Variants in CDH22 observed in about 807,000 individuals in gnomAD.
CDH22 encodes the protein cadherin 22.
In CDH22, 30 loss-of-function variants were observed where a neutral mutation model predicts 58.4. The observed-to-expected ratio is 0.51, with a 90% CI of 0.38 to 0.70. The LOEUF is 0.70. CDH22 is among the 30% of genes least tolerant of loss of function. The pLI is 0.00. For missense variants in CDH22, 1,014 were observed against 1,233.9 expected, an observed-to-expected ratio of 0.82 and a Z score of 2.67; for synonymous variants, 513 against 558.2, an observed-to-expected ratio of 0.92 and a Z score of 1.14.
chr20:46,280,072 G>C (rs2086542461), intron 1 of CDH22, among the ~76,000 whole-genome samples: 1 of 152,124 alleles, frequency 6.6e-6, no homozygotes, highest in African/African-American at 2.4e-5. Flanking sequence ...GTCACACCTG[G>C]GGCTGTCTGG....
intron 7 of CDH22, among the ~76,000 whole-genome samples, chr20:46,208,377 C>T (rs1429791447): frequency 6.6e-6 from 1 of 152,204 alleles, no homozygotes; most frequent in Non-Finnish European, 1.5e-5. Context: ...CTCTGGCTTG[C>T]CTGTGTCTGT....
At chr20:46,252,562 G>C (rs2086384542) in intron 1 of CDH22, among the ~76,000 whole-genome samples, 1 of 152,216 alleles carries the variant, frequency 6.6e-6, no homozygotes, top group Non-Finnish European at 1.5e-5. Flanking sequence ...GTGTTTACAG[G>C]GGACAGCGAT....
In CDH22 at chr20:46,308,047, C is replaced by T. The variant is rs914386614; in HGVS notation, c.-400+208G>A. On this transcript the variant is annotated intron_variant, in intron 1 of 11. Transcript: ENST00000537909. This position sits in a 1 kb window ranked among gnomAD's most constrained non-coding sequence, Gnocchi z 4.3. The stretch of plus-strand genomic sequence containing the variant: ...GGCTCCGCGCCGGGGAAAGTTTGGA[C>T]GTGGGAAACTCCCTCCCCGCCCTCC... 1.3e-4 allele frequency among the ~76,000 whole-genome samples: 19 copies of T among 151,568 alleles called. No individual in the cohort carries two copies. The highest frequency in any genetic ancestry group is 2.4e-4 in the Non-Finnish European group (16 of 67,798).
At position 46,241,054 on chromosome 20, in the gene CDH22, C is replaced by T. The variant is rs771437010; in HGVS notation, c.459G>A (p.Glu153=). 3 of 1,614,192 alleles carry T rather than the reference C, an allele frequency of 1.9e-6. No individual in the cohort carries two copies. The East Asian group carries it at 6.7e-5, about 36-fold the overall frequency. The part of the protein sequence containing the change: ...ATNRLLEPES[E]FIIKVQDIND... ...TGATGTCCTGCACCTTGATGATGAA[C>T]TCCGACTCGGGCTCCAGTAGGCGGT... Residue 153 remains glutamate (E), a synonymous_variant, in exon 3 of 12, where the codon GAG becomes GAA. Transcript: ENST00000537909. This position sits in a 1 kb window ranked among gnomAD's most constrained non-coding sequence, Gnocchi z 5.2.
At position 46,251,015 on chromosome 20, in the gene CDH22, G is replaced by C. The variant is rs1324623117; in HGVS notation, c.255+25C>G. On this transcript the variant is annotated intron_variant, in intron 2 of 11. Transcript: ENST00000537909. This position sits in a 1 kb window ranked among gnomAD's most constrained non-coding sequence, Gnocchi z 6.7. ...GGTGTCCCCAGGGTCCTGGGATCTG[G>C]AGTTGGAGTGGGGCCCCACTTTACC... The C allele has an allele frequency of 6.9e-7, 1 of 1,442,524 alleles. No homozygotes were observed. Among genetic ancestry groups the C allele is most frequent in the Admixed American group, 1.7e-5 (1 of 59,342 alleles). The allele number at this position is 1,442,524 out of a possible 1,614,324, so 89.4% of individuals were successfully genotyped here. A position where few individuals can be genotyped will look rare whatever the true frequency, so the allele number is the denominator to read the frequency against.
chr20:46,286,367 C>A (rs1344878590), intron 1 of CDH22, among the ~76,000 whole-genome samples: 2 of 152,126 alleles, frequency 1.3e-5, no homozygotes, highest in Admixed American at 6.5e-5. Context: ...TCCCCAGCAT[C>A]CCCCGGGGTC....
At chr20:46,307,594 G>C (rs1023020829) in intron 1 of CDH22, among the ~76,000 whole-genome samples, 1 of 152,152 alleles carries the variant, frequency 6.6e-6, no homozygotes, top group Admixed American at 6.5e-5. Flanking sequence ...CATAGGGCAG[G>C]GGGGGTCGCG....
chr20:46,300,503 C>T lies in CDH22; in HGVS notation c.-400+7752G>A, dbSNP rs1259313582. On this transcript the variant is annotated intron_variant, in intron 1 of 11. Transcript: ENST00000537909. This position sits in a 1 kb window ranked among gnomAD's most constrained non-coding sequence, Gnocchi z 4.4. ...ACACACAAGCGCGCGTGTGCGTGCG[C>T]GTGCACACACACATACACACACACT... 2.0e-5 allele frequency among the ~76,000 whole-genome samples: 3 copies of T among 152,174 alleles called. No individual in the cohort carries two copies. The highest frequency in any genetic ancestry group is 6.5e-5 in the Admixed American group (1 of 15,282).
chr20:46,246,814 C>G (rs545694501), intron 2 of CDH22, among the ~76,000 whole-genome samples: 1 of 152,220 alleles, frequency 6.6e-6, no homozygotes, highest in South Asian at 2.1e-4. Flanking sequence ...ATGCTCCGAG[C>G]GGCTCCCTGG....
chr20:46,190,375 T>C (rs2145659052), intron 8 of CDH22, among the ~76,000 whole-genome samples: 1 of 152,254 alleles, frequency 6.6e-6, no homozygotes, highest in East Asian at 1.9e-4. Context: ...TGACTCCAAG[T>C]TCAGCGCTTG....
chr20:46,297,527 C>T (rs2086634101), intron 1 of CDH22, among the ~76,000 whole-genome samples: 1 of 151,678 alleles, frequency 6.6e-6, no homozygotes, highest in Non-Finnish European at 1.5e-5. Flanking sequence ...GAGGACCAGG[C>T]CTCCACAAGG....
chr20:46,237,624 T>C (rs2086262446), intron 3 of CDH22, among the ~76,000 whole-genome samples: 1 of 152,204 alleles, frequency 6.6e-6, no homozygotes, highest in Admixed American at 6.5e-5. Context: ...GGTTCCCAGC[T>C]GGTTCAAATT....
intron 4 of CDH22, among the ~76,000 whole-genome samples, chr20:46,223,670 T>TTTCTTTTTCTTTCC: frequency 2.1e-5 from 1 of 46,566 alleles, no homozygotes; most frequent in Non-Finnish European, 4.2e-5. Context: ...TCTTTCCTTC[T>TTTCTTTTTCTTTCC]TTCTTTCTTT....
chr20:46,227,451 CGCCCCGCCCCTGGCCCCGCCCCACG>C, intron 4 of CDH22, 32 bp downstream of exon 4: 1 of 1,405,216 alleles, frequency 7.1e-7, no homozygotes, highest in Non-Finnish European at 9.7e-7. Flanking sequence ...GTCCTCGTCC[CGCCCCGCCCCTGGCCCCGCCCCACG>C]GCTCCGCCTC....
intron 5 of CDH22, among the ~76,000 whole-genome samples, chr20:46,215,870 G>A (rs2086080869): frequency 6.6e-6 from 1 of 152,202 alleles, no homozygotes. Context: ...GGCTGGGGCT[G>A]GGCTGGGAGA....
intron 7 of CDH22, among the ~76,000 whole-genome samples, chr20:46,203,085 C>G (rs892231246): frequency 2.0e-5 from 3 of 151,966 alleles, no homozygotes; most frequent in African/African-American, 7.3e-5. Flanking sequence ...GTTCTTTCCT[C>G]GAGGGGAAGG....
intron 10 of CDH22, among the ~76,000 whole-genome samples, chr20:46,178,513 C>A (rs2085758321): frequency 6.6e-6 from 1 of 151,748 alleles, no homozygotes. Flanking sequence ...ATTTTGTCCT[C>A]AGCTGTGCCA....
At chr20:46,296,342 T>A (rs1433462851) in intron 1 of CDH22, among the ~76,000 whole-genome samples, 1 of 152,194 alleles carries the variant, frequency 6.6e-6, no homozygotes, top group African/African-American at 2.4e-5. Flanking sequence ...AAGGGAGGTC[T>A]TACACTCCTC....
chr20:46,250,144 CTA>C (rs1406754084), intron 2 of CDH22, among the ~76,000 whole-genome samples: 2 of 152,164 alleles, frequency 1.3e-5, no homozygotes, highest in Non-Finnish European at 2.9e-5. Flanking sequence ...CCTTATATGC[CTA>C]TGTTATAGAT....
Sources: allele counts gnomAD v4.1 joint callset (sites outside exome capture counted in the v4.1 genomes callset), GRCh38; gene constraint gnomAD v4.1.1; non-coding constraint Gnocchi (gnomAD v3.1); transcripts MANE v1.5; gene names NCBI Gene and HGNC (gene_info 2026-07-23, HGNC 2026-07-21).